SMYD4: variants seen among roughly 807,000 people sequenced by gnomAD.
The protein encoded by SMYD4 is protein-lysine N-methyltransferase SMYD4.
Under a neutral mutation model 72.8 loss-of-function variants are expected in SMYD4, and 68 were observed. The observed-to-expected ratio is 0.93, with a 90% CI of 0.77 to 1.14. The LOEUF is 1.14. Ranked by LOEUF, SMYD4 falls within the 50% of genes most tolerant of loss-of-function variation. The pLI, the probability that SMYD4 is intolerant of heterozygous loss-of-function variation, is 0.00. For synonymous variants in SMYD4, 407 were observed against 388.6 expected, an observed-to-expected ratio of 1.05 and a Z score of -0.56; for missense variants, 984 against 1,003.7, an observed-to-expected ratio of 0.98 and a Z score of 0.27.
chr17:1,815,132 C>T (rs998286918), intron 2 of SMYD4, among the ~76,000 whole-genome samples: 3 of 151,560 alleles, frequency 2.0e-5, no homozygotes, highest in African/African-American at 4.9e-5. Context: ...GGTGCGATCT[C>T]GGCTCACTGC....
At chr17:1,795,747 G>GCTTTTTTTT (rs1555575985) in intron 5 of SMYD4, among the ~76,000 whole-genome samples, 1 of 128,466 alleles carries the variant, frequency 7.8e-6, no homozygotes, top group African/African-American at 3.2e-5. Context: ...TGGCCCGTGA[G>GCTTTTTTTT]TTTTTTTTTT....
chr17:1,794,011 ATATATATATGTGTG>A (rs1909211289), intron 5 of SMYD4, among the ~76,000 whole-genome samples: 13 of 100,640 alleles, frequency 1.3e-4, no homozygotes, highest in African/African-American at 2.2e-4. Flanking sequence ...ATATATGTAT[ATATATATATGTGTG>A]TATATATATA....
chr17:1,796,980 T>C (rs573424722), intron 5 of SMYD4, among the ~76,000 whole-genome samples: 14 of 152,284 alleles, frequency 9.2e-5, no homozygotes, highest in Admixed American at 7.2e-4. Flanking sequence ...TAACCTGACA[T>C]GTGATTTAGT....
Position 1,793,612 on chromosome 17 carries a change from G to C in SMYD4, c.1538-6008C>G, listed in dbSNP as rs147911103. ...CAAAGCAAGTTACAGAGCTAGCCCA[G>C]ATTCAAGGAGAGGGGAAAAAAATCT... On this transcript the variant is annotated intron_variant, in intron 5 of 10. Transcript: ENST00000305513. 6.6e-3 allele frequency among the ~76,000 whole-genome samples: 1,007 copies of C among 152,114 alleles called. 12 individuals are homozygous for C. The highest frequency in any genetic ancestry group is 0.022 in the African/African-American group (921 of 41,506).
intron 4 of SMYD4, among the ~76,000 whole-genome samples, chr17:1,802,370 T>C (rs1909814337): frequency 1.3e-5 from 2 of 152,072 alleles, no homozygotes; most frequent in Admixed American, 1.3e-4. Flanking sequence ...GGCACATACC[T>C]GTAGTCCTAG....
intron 5 of SMYD4, among the ~76,000 whole-genome samples, chr17:1,794,373 C>A (rs1408303148): frequency 1.3e-5 from 2 of 150,850 alleles, no homozygotes; most frequent in Non-Finnish European, 2.9e-5. Context: ...CCCACCTCAG[C>A]CTCCCATAGT....
At chr17:1,809,810 C>T (rs2151243667) in intron 3 of SMYD4, among the ~76,000 whole-genome samples, 1 of 152,168 alleles carries the variant, frequency 6.6e-6, no homozygotes, top group East Asian at 1.9e-4. Flanking sequence ...GGTGGGACTA[C>T]AGGCGCCCGC....
intron 3 of SMYD4, among the ~76,000 whole-genome samples, chr17:1,808,992 C>T (rs1910183707): frequency 6.6e-6 from 1 of 152,170 alleles, no homozygotes; most frequent in African/African-American, 2.4e-5. Flanking sequence ...CACGTTCAAG[C>T]ATAAACCTGT....
At chr17:1,805,360 T>C (rs1425664187) in intron 3 of SMYD4, among the ~76,000 whole-genome samples, 2 of 151,902 alleles carry the variant, frequency 1.3e-5, no homozygotes, top group Non-Finnish European at 2.9e-5. Flanking sequence ...GGAGGTTAGG[T>C]TGCAGTGAGC....
At chr17:1,785,767 A>AAAAAAAAAAAAAAAAG (rs1483174570) in intron 7 of SMYD4, among the ~76,000 whole-genome samples, 12 of 17,182 alleles carry the variant, frequency 7.0e-4, no homozygotes, top group African/African-American at 1.9e-3. Context: ...CCATCTCAAA[A>AAAAAAAAAAAAAAAAG]AAAAAAAAGA....
intron 7 of SMYD4, among the ~76,000 whole-genome samples, chr17:1,786,516 T>C (rs555604968): frequency 9.3e-4 from 142 of 152,306 alleles, no homozygotes; most frequent in African/African-American, 3.4e-3. Context: ...GCCCAGCCTA[T>C]CCTGGGACTT....
chr17:1,812,089 C>CT lies in SMYD4; in HGVS notation c.160dup (p.Arg54LysfsTer4), dbSNP rs1301487480. On this transcript the variant is annotated frameshift_variant, in exon 3 of 11. Coordinates refer to ENST00000305513, the MANE Select transcript of SMYD4 (RefSeq NM_052928.3). LOFTEE classifies it high-confidence loss of function. ...TCCCACCAAGTAACCTTTAGAAAGT[C>CT]TTTTTAGAAACAGCTCATCCTCAGG... is the stretch of plus-strand genomic sequence containing the variant. 4 of 1,613,846 alleles carry CT rather than the reference C, an allele frequency of 2.5e-6. No individual in the cohort carries two copies. The highest frequency in any genetic ancestry group is 3.3e-5 in the Admixed American group (2 of 59,936).
At chr17:1,795,747 G>GTTTTTTTTTTTT (rs368038317) in intron 5 of SMYD4, among the ~76,000 whole-genome samples, 1,386 of 128,272 alleles carry the variant, frequency 0.011, 46 homozygotes, top group African/African-American at 0.041. Context: ...TGGCCCGTGA[G>GTTTTTTTTTTTT]TTTTTTTTTT....
At chr17:1,789,220 T>C (rs1466577845) in intron 5 of SMYD4, among the ~76,000 whole-genome samples, 1 of 151,680 alleles carries the variant, frequency 6.6e-6, no homozygotes, top group East Asian at 1.9e-4. Flanking sequence ...AAACCCTGTC[T>C]CTACTAAAAA....
At chr17:1,797,305 T>C (rs1037087514) in intron 5 of SMYD4, among the ~76,000 whole-genome samples, 2 of 152,198 alleles carry the variant, frequency 1.3e-5, no homozygotes, top group African/African-American at 2.4e-5. Context: ...TTAAGAAAAG[T>C]ATAATGAACG....
chr17:1,808,096 T>TA (rs1393764479), intron 3 of SMYD4, among the ~76,000 whole-genome samples: 1 of 152,142 alleles, frequency 6.6e-6, no homozygotes, highest in African/African-American at 2.4e-5. Flanking sequence ...CCAAAGACCT[T>TA]AAAAAATACA....
intron 2 of SMYD4, among the ~76,000 whole-genome samples, chr17:1,816,777 A>G (rs1356210152): frequency 6.6e-6 from 1 of 151,632 alleles, no homozygotes; most frequent in Non-Finnish European, 1.5e-5. Context: ...GTGTGAAGTG[A>G]TCTCTCACTG....
intron 4 of SMYD4, among the ~76,000 whole-genome samples, chr17:1,801,678 T>C (rs544583376): frequency 1.4e-5 from 2 of 143,752 alleles, no homozygotes; most frequent in Non-Finnish European, 3.0e-5. Context: ...CAGACCTGCA[T>C]TCAAATACAC....
intron 2 of SMYD4, among the ~76,000 whole-genome samples, chr17:1,821,407 G>T (rs9912024): frequency 6.6e-6 from 1 of 151,830 alleles, no homozygotes; most frequent in African/African-American, 2.4e-5. Flanking sequence ...CCAGCTACTC[G>T]GGAGGTGGAG....
Sources: gnomAD v4.1 joint callset for allele counts (sites outside exome capture counted in the v4.1 genomes callset) on GRCh38, gnomAD v4.1.1 for gene constraint, MANE v1.5 for transcripts, NCBI Gene and HGNC (gene_info 2026-07-23, HGNC 2026-07-21) for gene names.